MED15: variants seen among roughly 807,000 people sequenced by gnomAD.
MED15 encodes mediator of RNA polymerase II transcription subunit 15.
A neutral mutation model predicts 118.7 loss-of-function variants in MED15; 41 were observed. The observed-to-expected ratio is 0.35, with a 90% CI of 0.27 to 0.45. The LOEUF (loss-of-function observed/expected upper bound fraction) is 0.45, where lower values mean the gene tolerates loss of function less well. Among genes scored for constraint, MED15 ranks in the 20% least tolerant of loss-of-function variants. MED15 has a pLI of 1.00. For missense variants in MED15, 740 were observed against 1,025.5 expected (o/e 0.72, Z 3.80); for synonymous variants, 436 against 413.9 (o/e 1.05, Z -0.65).
chr22:20,512,615 G>A (rs1444685314), intron 1 of MED15, among the ~76,000 whole-genome samples: 1 of 126,980 alleles, frequency 7.9e-6, no homozygotes, highest in Admixed American at 8.5e-5. Flanking sequence ...TTTTTGAGGT[G>A]GAGTCTCGCT....
chr22:20,564,453 AGCTGCAGCTCCAGCAGGTGGC>A lies in MED15; in HGVS notation c.464_484del (p.Leu155_Gln161del), dbSNP rs1263517934. The A allele has an allele frequency of 6.2e-7, 1 of 1,613,550 alleles. No individual in the cohort carries two copies. The highest frequency in any genetic ancestry group is 2.2e-5 in the East Asian group (1 of 44,894). ...GGCGACTCTGGTCTTTTCTCAGCCC[AGCTGCAGCTCCAGCAGGTGGC>A]GCTGCAGCAGCAGCAGCAACAGCAG... On this transcript the variant is annotated inframe_deletion, in exon 6 of 18. Coordinates refer to ENST00000263205, the MANE Select transcript of MED15 (RefSeq NM_001003891.3).
In MED15 at chr22:20,566,779, C is replaced by A. The variant is rs762480822; in HGVS notation, c.1003C>A (p.Pro335Thr). 6.2e-7 allele frequency: 1 copy of A among 1,614,218 alleles called. No individual in the cohort carries two copies. The highest frequency in any genetic ancestry group is 1.1e-5 in the South Asian group (1 of 91,082). Residue 335 changes from proline (P) to threonine (T), a missense_variant, in exon 7 of 18, where the codon CCT becomes ACT. By Grantham distance (38) the Pro-to-Thr change is conservative. This residue lies in a region of MED15 where 384 missense variants were observed against 506.3 expected (regional missense o/e 0.76). Transcript: ENST00000263205. Reference sequence around the variant, plus strand: ...TTTGGTGTCACAGGCGCAAGCTCTCCCTGGACAAATGTTGTATACCCAACC... The same window carrying A: ...TTTGGTGTCACAGGCGCAAGCTCTCACTGGACAAATGTTGTATACCCAACC... Reference protein sequence around the residue: ...QPLVSQAQALPGQMLYTQPPL... With the variant: ...QPLVSQAQALTGQMLYTQPPL...
chr22:20,533,212 T>C (rs559140169), intron 1 of MED15, among the ~76,000 whole-genome samples: 1 of 152,204 alleles, frequency 6.6e-6, no homozygotes, highest in East Asian at 1.9e-4. Context: ...GGAAGGGGAC[T>C]TGACCTCAGC....
chr22:20,508,002 A>T, intron 1 of MED15: 2 of 1,422,208 alleles, frequency 1.4e-6, no homozygotes, highest in Non-Finnish European at 1.8e-6. Context: ...GAGCTTTCTC[A>T]TTCGTCATTT....
intron 1 of MED15, among the ~76,000 whole-genome samples, chr22:20,511,988 CTTTT>C (rs746240328): frequency 1.1e-5 from 1 of 92,198 alleles, no homozygotes; most frequent in Non-Finnish European, 2.0e-5. Context: ...ACATTCTAAG[CTTTT>C]TTTTTTTTTT....
chr22:20,528,465 G>A (rs2054738101), intron 1 of MED15, among the ~76,000 whole-genome samples: 1 of 152,186 alleles, frequency 6.6e-6, no homozygotes, highest in Admixed American at 6.5e-5. Flanking sequence ...TTACAGTGGG[G>A]TTCGTGCTCC....
At chr22:20,541,480 G>C (rs1006684330) in intron 2 of MED15, among the ~76,000 whole-genome samples, 5 of 152,030 alleles carry the variant, frequency 3.3e-5, no homozygotes, top group Non-Finnish European at 5.9e-5. Context: ...AAGATGTAGA[G>C]AAATTGGAAT....
chr22:20,539,503 GT>G (rs1192167473), intron 2 of MED15, among the ~76,000 whole-genome samples: 1 of 152,146 alleles, frequency 6.6e-6, no homozygotes, highest in African/African-American at 2.4e-5. Context: ...CATTTACATA[GT>G]TTCTACTTTT....
At chr22:20,529,344 T>C (rs1682514123) in intron 1 of MED15, among the ~76,000 whole-genome samples, 1 of 152,090 alleles carries the variant, frequency 6.6e-6, no homozygotes, top group South Asian at 2.1e-4. Flanking sequence ...ACCTCCCTGG[T>C]TCAAGCGATT....
rs2055264661 is a variant in MED15, at chr22:20,540,744, A to G, written c.156+3540A>G. ...AGCACAAGCTACAAAAAACGTAGAT[A>G]AATTTGACTTCATCAAAATTAAAAA... On this transcript the variant is annotated intron_variant, in intron 2 of 17. Coordinates refer to ENST00000263205, the MANE Select transcript of MED15 (RefSeq NM_001003891.3). Among the ~76,000 whole-genome samples, 4 of 152,328 alleles carry G rather than the reference A, an allele frequency of 2.6e-5. No individual in the cohort carries two copies. The South Asian group carries it at 8.3e-4, about 32-fold the overall frequency.
At chr22:20,550,599 GC>G (rs1432738424) in intron 2 of MED15, among the ~76,000 whole-genome samples, 1 of 152,246 alleles carries the variant, frequency 6.6e-6, no homozygotes, top group African/African-American at 2.4e-5. Flanking sequence ...CCGGGGCTTT[GC>G]CCCTTCCAGG....
intron 15 of MED15, 33 bp downstream of exon 15, chr22:20,585,048 C>G (rs765780791): frequency 6.2e-7 from 1 of 1,613,646 alleles, no homozygotes. Flanking sequence ...TTGCGGAGGG[C>G]GGCCAGCCCT....
chr22:20,554,834 T>C lies in MED15; in HGVS notation c.239-102T>C. ...CTTGGGGCTGTGAGGGGATTGAGCC[T>C]GTAGGTAGGCGAGATCTGTGCTCTG... On this transcript the variant is annotated intron_variant, in intron 4 of 17. Coordinates refer to ENST00000263205, the MANE Select transcript of MED15 (RefSeq NM_001003891.3). 3.4e-6 allele frequency: 4 copies of C among 1,172,730 alleles called. No individual in the cohort carries two copies. The South Asian group carries it at 4.4e-5, about 13-fold the overall frequency. The allele number at this position is 1,172,730 out of a possible 1,614,324, so 72.6% of individuals were successfully genotyped here.
chr22:20,566,545 C>G lies in MED15; in HGVS notation c.769C>G (p.Gln257Glu). 1 of 1,612,446 alleles carries G rather than the reference C, an allele frequency of 6.2e-7. No homozygotes were observed. The highest frequency in any genetic ancestry group is 2.2e-5 in the East Asian group (1 of 44,872). Residue 257 changes from glutamine (Q) to glutamate (E), a missense_variant, in exon 7 of 18, where the codon CAG (glutamine) becomes GAG (glutamate). Around this residue, in one of 7 missense-constraint regions of MED15, gnomAD observed 384 missense variants for 506.3 expected, o/e 0.76. Coordinates refer to ENST00000263205, the MANE Select transcript of MED15 (RefSeq NM_001003891.3). ...ACAGCAACAGCAGCAGCAGCAGCAGCAGCAGCAGCAGCAGCAGGCTTTGCA... is the reference window on the plus strand; with the variant it reads ...ACAGCAACAGCAGCAGCAGCAGCAGGAGCAGCAGCAGCAGCAGGCTTTGCA... ...QQQQQQQQQQ[Q>E]QQQQQALQAQ...
At chr22:20,508,331 T>TG in intron 1 of MED15, 14 of 1,304,254 alleles carry the variant, frequency 1.1e-5, no homozygotes, top group Non-Finnish European at 1.4e-5. Context: ...CGTGAAGAGC[T>TG]GGGGTCAGTG....
At chr22:20,545,612 A>T (rs1295401337) in intron 2 of MED15, among the ~76,000 whole-genome samples, 1 of 152,170 alleles carries the variant, frequency 6.6e-6, no homozygotes, top group East Asian at 1.9e-4. Context: ...CCTATTACAT[A>T]TATTTTTAAT....
chr22:20,547,083 A>G (rs1329576291), intron 2 of MED15, among the ~76,000 whole-genome samples: 1 of 152,206 alleles, frequency 6.6e-6, no homozygotes, highest in East Asian at 1.9e-4. Context: ...TTCTGTTACT[A>G]TGAATATCTT....
intron 1 of MED15, among the ~76,000 whole-genome samples, chr22:20,530,090 A>G (rs1195795457): frequency 1.3e-5 from 2 of 152,132 alleles, no homozygotes; most frequent in African/African-American, 4.8e-5. Context: ...TGACATGCTT[A>G]GGAAACCATC....
chr22:20,546,166 G>A (rs1001901904), intron 2 of MED15, among the ~76,000 whole-genome samples: 2 of 152,168 alleles, frequency 1.3e-5, no homozygotes, highest in African/African-American at 4.8e-5. Context: ...TCCCAGCCTG[G>A]TGAAGGAGCA....
Sources: gnomAD v4.1 joint callset for allele counts (sites outside exome capture counted in the v4.1 genomes callset) on GRCh38, gnomAD v4.1.1 for gene constraint, gnomAD v4.1.1 regional missense constraint, MANE v1.5 for transcripts, NCBI Gene and HGNC (gene_info 2026-07-23, HGNC 2026-07-21) for gene names.